Variants in PARD6G observed in about 807,000 individuals in gnomAD.
PARD6G encodes the protein partitioning defective 6 homolog gamma.
Under a neutral mutation model 10.7 loss-of-function variants are expected in PARD6G, and 7 were observed. The ratio of observed to expected loss-of-function variants is 0.66; its 90% CI spans 0.37 to 1.23. The LOEUF (loss-of-function observed/expected upper bound fraction) is 1.23. Ranked by LOEUF, PARD6G falls within the 50% of genes most tolerant of loss-of-function variation. The probability of loss-of-function intolerance (pLI) is 0.02; values close to 1 mark genes in which losing one functional copy is unlikely to be tolerated. For missense variants in PARD6G, 548 were observed against 571.8 expected (o/e 0.96, Z 0.42); for synonymous variants, 287 against 269.4 (o/e 1.07, Z -0.64).
chr18:80,214,779 G>GA (rs1967145990), intron 1 of PARD6G, among the ~76,000 whole-genome samples: 1 of 152,088 alleles, frequency 6.6e-6, no homozygotes, highest in South Asian at 2.1e-4. Flanking sequence ...AAAAAAGGCA[G>GA]AAAGGCTATT....
intron 2 of PARD6G, among the ~76,000 whole-genome samples, chr18:80,196,382 T>C (rs1381182663): frequency 6.6e-6 from 1 of 152,254 alleles, no homozygotes; most frequent in African/African-American, 2.4e-5. Flanking sequence ...GTTTTACAAA[T>C]ATGTTTTAAA....
intron 2 of PARD6G, among the ~76,000 whole-genome samples, chr18:80,179,752 T>C (rs185189581): frequency 6.6e-6 from 1 of 152,284 alleles, no homozygotes; most frequent in Non-Finnish European, 1.5e-5. Flanking sequence ...ATGCCATGGG[T>C]TCCGTGCACG....
chr18:80,197,885 G>A (rs1264865811), intron 2 of PARD6G, among the ~76,000 whole-genome samples: 2 of 152,296 alleles, frequency 1.3e-5, no homozygotes, highest in East Asian at 1.9e-4. Flanking sequence ...ACCTAAATAC[G>A]CAGACTCAAG....
Position 80,201,432 on chromosome 18 carries a change from G to C in PARD6G, c.295+1278C>G, listed in dbSNP as rs78918122. Among the ~76,000 whole-genome samples, 459 of 152,290 alleles carry C rather than the reference G, an allele frequency of 3.0e-3. 4 individuals carry two copies. Among genetic ancestry groups the C allele is most frequent in the African/African-American group, 0.01 (417 of 41,554 alleles). ...TGCAGAGCCATGCAGAGACAGCGAG[G>C]GTCCTTGCCCCCAGCAACCCCGAAG... On this transcript the variant is annotated intron_variant, in intron 2 of 2. Coordinates refer to ENST00000353265, the MANE Select transcript of PARD6G (RefSeq NM_032510.4). The surrounding 1 kb of genome is among the most constrained non-coding windows in gnomAD (Gnocchi z 5.9).
chr18:80,234,624 T>G (rs1377018816), intron 1 of PARD6G, among the ~76,000 whole-genome samples: 4 of 151,722 alleles, frequency 2.6e-5, no homozygotes, highest in African/African-American at 9.7e-5. Context: ...AAAGCCAGTA[T>G]TAGTGGGGCA....
chr18:80,204,659 C>T (rs993585233), intron 1 of PARD6G, among the ~76,000 whole-genome samples: 3 of 151,642 alleles, frequency 2.0e-5, no homozygotes, highest in African/African-American at 7.3e-5. Context: ...ATTCAAAATA[C>T]TGGCTTGGGG....
At position 80,182,371 on chromosome 18, in the gene PARD6G, G is replaced by A. The variant is rs974670571; in HGVS notation, c.295+20339C>T. On this transcript the variant is annotated intron_variant, in intron 2 of 2. Coordinates refer to ENST00000353265, the MANE Select transcript of PARD6G (RefSeq NM_032510.4). The surrounding 1 kb of genome is among the most constrained non-coding windows in gnomAD (Gnocchi z 4.5). ...AAACTCTCACATGGACAGTGAGGGT[G>A]TGACAGGCCCTGAAGAACAGGTTCT... Among the ~76,000 whole-genome samples the A allele has an allele frequency of 2.6e-5, 4 of 152,254 alleles. No homozygotes were observed. The highest frequency in any genetic ancestry group is 5.9e-5 in the Non-Finnish European group (4 of 68,044).
In PARD6G at chr18:80,244,770, GT is replaced by G. The variant is rs751363149; in HGVS notation, c.72+2506del. Reference sequence around the variant, plus strand: ...TTTTCCCCACAAACCAAACCATGGTGTTATGGTGCTACATTGAGGTTGTCAT... The same window carrying G: ...TTTTCCCCACAAACCAAACCATGGTGTATGGTGCTACATTGAGGTTGTCAT... On this transcript the variant is annotated intron_variant, in intron 1 of 2. Transcript: ENST00000353265. 3.9e-5 allele frequency among the ~76,000 whole-genome samples: 6 copies of G among 152,306 alleles called. No individual in the cohort carries two copies. The South Asian group carries it at 8.3e-4, about 21-fold the overall frequency.
In PARD6G at chr18:80,201,387, G is replaced by A. The variant is rs1967005423; in HGVS notation, c.295+1323C>T. 6.6e-6 allele frequency among the ~76,000 whole-genome samples: 1 copy of A among 152,216 alleles called. No individual in the cohort carries two copies. Among genetic ancestry groups the A allele is most frequent in the Admixed American group, 6.5e-5 (1 of 15,286 alleles). ...AGAGGGCAGCATACAGAGGACCGAG[G>A]TGTGGCACGCTGGAGGCTGTGCAGA... On this transcript the variant is annotated intron_variant, in intron 2 of 2. Transcript: ENST00000353265. This position sits in a 1 kb window ranked among gnomAD's most constrained non-coding sequence, Gnocchi z 5.9.
At chr18:80,233,373 C>T (rs1373698671) in intron 1 of PARD6G, among the ~76,000 whole-genome samples, 2 of 152,222 alleles carry the variant, frequency 1.3e-5, no homozygotes, top group African/African-American at 4.8e-5. Context: ...GCTGGGCCTG[C>T]ACTCCCTCTC....
intron 1 of PARD6G, among the ~76,000 whole-genome samples, chr18:80,219,089 A>G (rs1233424358): frequency 6.6e-6 from 1 of 152,230 alleles, no homozygotes; most frequent in East Asian, 1.9e-4. Context: ...GCTGCCGTGA[A>G]GACCTCTGAC....
chr18:80,242,923 A>G (rs113011494), intron 1 of PARD6G, among the ~76,000 whole-genome samples: 43 of 152,322 alleles, frequency 2.8e-4, no homozygotes, highest in African/African-American at 9.1e-4. Flanking sequence ...ATGGGGAGAA[A>G]GAAACAGATG....
rs2076734626 is a variant in PARD6G at position 80,160,427 on chromosome 18, C to T, written c.475G>A (p.Val159Met). The change falls in exon 3 of 3, where the codon GTG becomes ATG. Residue 159 changes from valine to methionine, a missense_variant. Val to Met is a conservative substitution (Grantham distance 21). This residue lies in a region of PARD6G where 235 missense variants were observed against 291.9 expected (regional missense o/e 0.81). Coordinates refer to ENST00000353265, the MANE Select transcript of PARD6G (RefSeq NM_032510.4). ...VDLVPETHRR[V>M]RLHRHGCEKP... ...TCGCAGCCGTGCCGGTGCAGCCGCA[C>T]TCGCCGGTGCGTCTCGGGGACCAGG... is the stretch of plus-strand genomic sequence containing the variant. 3 of 1,591,466 alleles carry T rather than the reference C, an allele frequency of 1.9e-6. No individual in the cohort carries two copies. The highest frequency in any genetic ancestry group is 2.6e-6 in the Non-Finnish European group (3 of 1,169,010).
At chr18:80,219,013 T>G (rs1007081639) in intron 1 of PARD6G, among the ~76,000 whole-genome samples, 6 of 152,208 alleles carry the variant, frequency 3.9e-5, no homozygotes, top group Admixed American at 3.9e-4. Context: ...GACAGCAGGG[T>G]AGCCCTGGAC....
In PARD6G at chr18:80,246,173, T is replaced by C. The variant is rs1967543905; in HGVS notation, c.72+1104A>G. On this transcript the variant is annotated intron_variant, in intron 1 of 2. Coordinates refer to ENST00000353265, the MANE Select transcript of PARD6G (RefSeq NM_032510.4). The surrounding 1 kb of genome is among the most constrained non-coding windows in gnomAD (Gnocchi z 6.7). ...GGCTCCCACTCCGCCGTTAGGAGCC[T>C]TTCCCACAACTCTGAGAACCGGGGT... Among the ~76,000 whole-genome samples the C allele has an allele frequency of 6.6e-6, 1 of 151,934 alleles. No individual in the cohort carries two copies. Among genetic ancestry groups the C allele is most frequent in the South Asian group, 2.1e-4 (1 of 4,822 alleles).
chr18:80,196,462 A>G (rs1235387187), intron 2 of PARD6G, among the ~76,000 whole-genome samples: 1 of 152,262 alleles, frequency 6.6e-6, no homozygotes, highest in African/African-American at 2.4e-5. Flanking sequence ...ATGATATGTT[A>G]GGTCTTTAAA....
At chr18:80,165,369 G>C (rs2052728703) in intron 2 of PARD6G, among the ~76,000 whole-genome samples, 1 of 152,090 alleles carries the variant, frequency 6.6e-6, no homozygotes, top group Non-Finnish European at 1.5e-5. Flanking sequence ...CTTTTTGCCT[G>C]ACCCTGCAGA....
intron 1 of PARD6G, among the ~76,000 whole-genome samples, chr18:80,211,483 G>A (rs1967107306): frequency 6.6e-6 from 1 of 152,218 alleles, no homozygotes; most frequent in African/African-American, 2.4e-5. Context: ...CAGTGCAGCT[G>A]CTGTGAAAAA....
At chr18:80,213,232 T>A (rs189887610) in intron 1 of PARD6G, among the ~76,000 whole-genome samples, 1 of 152,240 alleles carries the variant, frequency 6.6e-6, no homozygotes, top group Non-Finnish European at 1.5e-5. Flanking sequence ...AAAAAAGAAA[T>A]CCTGGGGAGT....
Sources: allele counts gnomAD v4.1 joint callset (sites outside exome capture counted in the v4.1 genomes callset), GRCh38; gene constraint gnomAD v4.1.1; regional missense constraint gnomAD v4.1.1; non-coding constraint Gnocchi (gnomAD v3.1); transcripts MANE v1.5; gene names NCBI Gene and HGNC (gene_info 2026-07-23, HGNC 2026-07-21).